The following TRIM37 variants were observed in gnomAD, a reference collection of about 807,000 sequenced individuals.
TRIM37 encodes tripartite motif containing 37.
TRIM37 carries 80 observed loss-of-function variants against 129.8 expected under a neutral mutation model. The ratio of observed to expected loss-of-function variants is 0.62; its 90% confidence interval spans 0.51 to 0.74. TRIM37 has a LOEUF of 0.74. TRIM37 is among the 30% of genes least tolerant of loss of function. The pLI is 0.00. For synonymous variants in TRIM37, 389 were observed against 387.1 expected (o/e 1.00, Z -0.06); for missense variants, 1,054 against 1,176.5 (o/e 0.90, Z 1.52).
chr17:58,973,225 G>T, the TRIM37 span, among the ~76,000 whole-genome samples: 1 of 151,848 alleles, frequency 6.6e-6, no homozygotes, highest in East Asian at 1.9e-4. Context: ...AGACCAGCCT[G>T]GCCAACATAG....
chr17:59,001,058 G>T (rs1364241151), intron 23 of TRIM37, among the ~76,000 whole-genome samples: 1 of 151,998 alleles, frequency 6.6e-6, no homozygotes, highest in Non-Finnish European at 1.5e-5. Context: ...AGCCAGGCGT[G>T]GTGGTGTATA....
Position 59,051,308 on chromosome 17 carries a change from G to C in TRIM37, c.1220C>G (p.Thr407Ser). ...CTGGTCCCGGGATTTTTGAAAGAAA[G>C]TTGGTGAACGTACCTGAAACCTTAA... ...VILRFQVRSP[T>S]FFQKSRDQHW... Residue 407 changes from threonine to serine, a missense_variant, in exon 14 of 24, where the codon ACT becomes AGT. Thr to Ser is a moderately conservative substitution (Grantham distance 58). This residue lies in a region of TRIM37 where 752 missense variants were observed against 870.8 expected (regional missense o/e 0.86). Transcript: ENST00000262294. The C allele has an allele frequency of 6.2e-7, 1 of 1,613,062 alleles. No individual in the cohort carries two copies. The highest frequency in any genetic ancestry group is 8.5e-7 in the Non-Finnish European group (1 of 1,179,272).
intron 24 of TRIM37, among the ~76,000 whole-genome samples, chr17:58,992,322 A>AATATATATATATAT (rs35222079): frequency 7.3e-6 from 1 of 137,792 alleles, no homozygotes; most frequent in African/African-American, 2.7e-5. Flanking sequence ...TACATATGTA[A>AATATATATATATAT]ATATATATAT....
chr17:59,057,423 G>C (rs987102685), intron 12 of TRIM37, among the ~76,000 whole-genome samples: 2 of 152,182 alleles, frequency 1.3e-5, no homozygotes, highest in Admixed American at 6.5e-5. Context: ...GGCCAGGCTG[G>C]TCTTGAACTC....
intron 22 of TRIM37, among the ~76,000 whole-genome samples, chr17:59,011,491 G>A (rs572645904): frequency 1.3e-5 from 2 of 152,278 alleles, no homozygotes; most frequent in African/African-American, 2.4e-5. Context: ...AAATTCAAAT[G>A]AGTGCAGAGG....
At chr17:59,031,742 AATTTGGTTGACATAAATG>A (rs2037867589) in intron 18 of TRIM37, among the ~76,000 whole-genome samples, 136 bp downstream of exon 18, 1 of 152,264 alleles carries the variant, frequency 6.6e-6, no homozygotes, top group East Asian at 1.9e-4. Context: ...TTTAAAAACT[AATTTGGTTGACATAAATG>A]TCATTTTTAT....
chr17:59,075,840 C>A, intron 7 of TRIM37, 126 bp from the exon 8 acceptor site: 1 of 721,668 alleles, frequency 1.4e-6, no homozygotes. Context: ...TTCATTACAG[C>A]TACCCTAAAA....
In TRIM37 at chr17:59,031,889, AT is replaced by A. The variant is rs765479228; in HGVS notation, c.1948+6del. On this transcript the variant is annotated splice_donor_region_variant and intron_variant, in intron 18 of 23. Transcript: ENST00000262294. ...AAAAAAGGAAATTATCATTGTTATT[AT>A]TTTACCTGTGGGCTGCAGAAGTGAA... The A allele has an allele frequency of 3.1e-6, 5 of 1,613,344 alleles. No individual in the cohort carries two copies. The highest frequency in any genetic ancestry group is 4.2e-6 in the Non-Finnish European group (5 of 1,179,720).
chr17:59,042,441 A>T (rs1164190181), intron 16 of TRIM37, among the ~76,000 whole-genome samples: 363 of 84,258 alleles, frequency 4.3e-3, no homozygotes, highest in African/African-American at 0.012. Flanking sequence ...TAAAAAAAAA[A>T]AAAAAAAAAT....
chr17:58,995,205 C>G (rs1163539183), downstream of TRIM37, among the ~76,000 whole-genome samples: 1 of 152,140 alleles, frequency 6.6e-6, no homozygotes, highest in Non-Finnish European at 1.5e-5. Flanking sequence ...TGCACCACCA[C>G]ACCCAGCCAA....
At chr17:59,043,167 A>C (rs950821995) in intron 16 of TRIM37, among the ~76,000 whole-genome samples, 1 of 152,168 alleles carries the variant, frequency 6.6e-6, no homozygotes, top group African/African-American at 2.4e-5. Flanking sequence ...CTATTACTTT[A>C]TTTTAAACAA....
At chr17:59,069,946 C>G (rs187032728) in intron 9 of TRIM37, among the ~76,000 whole-genome samples, 5 of 152,264 alleles carry the variant, frequency 3.3e-5, no homozygotes, top group African/African-American at 1.2e-4. Flanking sequence ...TTTCTGACAC[C>G]CTGATCTTGG....
chr17:58,984,855 G>A (rs1428821828), intron 24 of TRIM37: 3 of 152,414 alleles, frequency 2.0e-5, no homozygotes, highest in Non-Finnish European at 4.4e-5. Flanking sequence ...AGTTGTTTTT[G>A]AAAAGGAAAT....
In TRIM37 at chr17:59,012,450, AAAG is replaced by A; in HGVS notation, c.2577-7_2577-5del. The A allele has an allele frequency of 1.3e-6, 2 of 1,573,394 alleles. No homozygotes were observed. Among genetic ancestry groups the A allele is most frequent in the Non-Finnish European group, 8.7e-7 (1 of 1,148,606 alleles). ...ATGACCTCCTTTAGCATTAGCCCTCAAAGAAGAAAACAACTTGATATTTCTCTA... is the reference window on the plus strand; with the variant it reads ...ATGACCTCCTTTAGCATTAGCCCTCAAAGAAAACAACTTGATATTTCTCTA... On this transcript the variant is annotated splice_region_variant and splice_polypyrimidine_tract_variant and intron_variant, in intron 21 of 23. Coordinates refer to ENST00000262294, the MANE Select transcript of TRIM37 (RefSeq NM_015294.6).
At chr17:59,007,312 T>C (rs1441190586) in intron 22 of TRIM37, among the ~76,000 whole-genome samples, 1 of 146,948 alleles carries the variant, frequency 6.8e-6, no homozygotes, top group African/African-American at 2.5e-5. Flanking sequence ...AGGTGTACCT[T>C]CTTATTGAGA....
At chr17:58,997,314 A>T (rs1303588167), downstream of TRIM37, among the ~76,000 whole-genome samples, 1 of 151,342 alleles carries the variant, frequency 6.6e-6, no homozygotes, top group Non-Finnish European at 1.5e-5. Context: ...ATTAAAAGCT[A>T]AAAAAAAAGA....
Position 59,049,251 on chromosome 17 carries a change from G to C in TRIM37, c.1457C>G (p.Pro486Arg), listed in dbSNP as rs2040118103. 1 of 1,613,936 alleles carries C rather than the reference G, an allele frequency of 6.2e-7. No homozygotes were observed. Among genetic ancestry groups the C allele is most frequent in the Admixed American group, 1.7e-5 (1 of 60,004 alleles). The change falls in exon 15 of 24, where the codon CCT becomes CGT. Residue 486 changes from proline to arginine, a missense_variant. Physicochemically the swap from Pro to Arg is moderately radical, Grantham distance 103 (BLOSUM62 -2). Coordinates refer to ENST00000262294, the MANE Select transcript of TRIM37 (RefSeq NM_015294.6). Reference sequence around the variant, plus strand: ...GGCCTCTCTTACAGAAGCTGTAGTAGGACCACCTTCGAGAAGCATGTCAGA... The same window carrying C: ...GGCCTCTCTTACAGAAGCTGTAGTACGACCACCTTCGAGAAGCATGTCAGA... Reference protein sequence around the residue: ...ACSDMLLEGGPTTASVREAKE... With the variant: ...ACSDMLLEGGRTTASVREAKE...
At chr17:59,011,025 C>T (rs2035185064) in intron 22 of TRIM37, among the ~76,000 whole-genome samples, 1 of 152,034 alleles carries the variant, frequency 6.6e-6, no homozygotes, top group Non-Finnish European at 1.5e-5. Context: ...CAAAAATTAG[C>T]CAGGTGTGTT....
chr17:59,003,658 A>AC (rs1481081050), intron 22 of TRIM37, among the ~76,000 whole-genome samples: 1 of 151,842 alleles, frequency 6.6e-6, no homozygotes, highest in Non-Finnish European at 1.5e-5. Flanking sequence ...AAAAAAAAAA[A>AC]AAAACCTAAT....
Sources: gnomAD v4.1 joint callset for allele counts (sites outside exome capture counted in the v4.1 genomes callset) on GRCh38, gnomAD v4.1.1 for gene constraint, gnomAD v4.1.1 regional missense constraint, MANE v1.5 for transcripts, NCBI Gene and HGNC (gene_info 2026-07-23, HGNC 2026-07-21) for gene names.